Variants in COX7B2 observed in about 807,000 individuals in gnomAD.
The protein encoded by COX7B2 is cytochrome c oxidase subunit 7B2, mitochondrial.
For missense variants in COX7B2, 109 were observed against 95.9 expected (o/e 1.14, Z -0.57); for synonymous variants, 37 against 32.1 (o/e 1.15, Z -0.51).
intron 1 of COX7B2, among the ~76,000 whole-genome samples, chr4:46,873,801 C>T (rs1189503918): frequency 6.6e-6 from 1 of 152,102 alleles, no homozygotes; most frequent in Non-Finnish European, 1.5e-5. Context: ...GGTATATCTC[C>T]TAATGCTATC....
intron 1 of COX7B2, among the ~76,000 whole-genome samples, chr4:46,866,942 C>T (rs1717701449): frequency 6.6e-6 from 1 of 152,154 alleles, no homozygotes; most frequent in African/African-American, 2.4e-5. Flanking sequence ...ACTGACTCCA[C>T]CTATATCCAG....
intron 1 of COX7B2, among the ~76,000 whole-genome samples, chr4:46,901,575 T>C (rs569103744): frequency 2.0e-5 from 3 of 152,346 alleles, no homozygotes; most frequent in South Asian, 2.1e-4. Flanking sequence ...GATGCCCAAA[T>C]AGCTAGTAAA....
intron 2 of COX7B2, among the ~76,000 whole-genome samples, chr4:46,766,378 C>T (rs528650183): frequency 5.9e-5 from 9 of 152,164 alleles, no homozygotes; most frequent in Admixed American, 4.6e-4. Flanking sequence ...CAGTGTGACA[C>T]CTTTTTTGTC....
At chr4:46,863,615 T>C (rs1007890532) in intron 1 of COX7B2, among the ~76,000 whole-genome samples, 1 of 152,224 alleles carries the variant, frequency 6.6e-6, no homozygotes, top group Non-Finnish European at 1.5e-5. Context: ...TCATATCTCA[T>C]ATTCAACTAT....
At chr4:46,784,924 T>G (rs780100011) in intron 2 of COX7B2, among the ~76,000 whole-genome samples, 5 of 152,350 alleles carry the variant, frequency 3.3e-5, no homozygotes, top group Admixed American at 6.5e-5. Flanking sequence ...CAACAAATTA[T>G]TTTTCTTTTC....
intron 2 of COX7B2, among the ~76,000 whole-genome samples, chr4:46,776,648 G>A (rs1276225056): frequency 1.4e-4 from 21 of 152,082 alleles, no homozygotes; most frequent in Admixed American, 1.4e-3. Flanking sequence ...AAAGACAAAA[G>A]AGTAATTAAT....
chr4:46,897,916 A>G (rs1444981514), intron 1 of COX7B2, among the ~76,000 whole-genome samples: 1 of 152,088 alleles, frequency 6.6e-6, no homozygotes, highest in Non-Finnish European at 1.5e-5. Context: ...TTGACATTAT[A>G]ATTTCCTCAG....
At chr4:46,787,878 T>C (rs1016414639) in intron 2 of COX7B2, among the ~76,000 whole-genome samples, 1 of 152,222 alleles carries the variant, frequency 6.6e-6, no homozygotes, top group East Asian at 1.9e-4. Context: ...ATTTATCTAA[T>C]TGTTGACCAC....
chr4:46,896,458 T>C (rs1331208034), intron 1 of COX7B2, among the ~76,000 whole-genome samples: 1 of 152,160 alleles, frequency 6.6e-6, no homozygotes, highest in East Asian at 1.9e-4. Context: ...GTCTACATGT[T>C]TCCTAAAACA....
chr4:46,762,872 G>A (rs1256905242), intron 2 of COX7B2, among the ~76,000 whole-genome samples: 4 of 145,016 alleles, frequency 2.8e-5, no homozygotes, highest in African/African-American at 1.0e-4. Context: ...AGCATTTTTG[G>A]GATCCTGTAT....
chr4:46,845,829 G>A (rs1356217797), intron 1 of COX7B2, among the ~76,000 whole-genome samples: 4 of 152,122 alleles, frequency 2.6e-5, no homozygotes, highest in South Asian at 2.1e-4. Flanking sequence ...TTTGGTGAGA[G>A]GCAACATTTG....
At chr4:46,788,418 A>G (rs1454301595) in intron 2 of COX7B2, among the ~76,000 whole-genome samples, 2 of 152,172 alleles carry the variant, frequency 1.3e-5, no homozygotes, top group East Asian at 3.9e-4. Context: ...TTATCTTGTT[A>G]AACATATGAT....
At chr4:46,767,210 T>A (rs1258959716) in intron 2 of COX7B2, among the ~76,000 whole-genome samples, 3 of 152,214 alleles carry the variant, frequency 2.0e-5, no homozygotes, top group African/African-American at 7.2e-5. Context: ...GTAGGATATA[T>A]ACAGCTGTAT....
intron 1 of COX7B2, among the ~76,000 whole-genome samples, chr4:46,856,959 A>ACCC (rs1717042293): frequency 6.6e-6 from 1 of 152,198 alleles, no homozygotes; most frequent in African/African-American, 2.4e-5. Flanking sequence ...AGTTTGATAG[A>ACCC]CCCGTGTAAT....
At chr4:46,791,862 G>A (rs1718065696) in intron 2 of COX7B2, among the ~76,000 whole-genome samples, 1 of 152,154 alleles carries the variant, frequency 6.6e-6, no homozygotes. Context: ...TGCACCCAAT[G>A]ATGCTTACTG....
chr4:46,737,219 T>G lies in COX7B2; in HGVS notation c.-49-1978A>C, dbSNP rs576494802. ...GTCCAGCATCTTTTTATATGCTTGT[T>G]TGCCATCTTCATCTCCCCTTTGGGA... is the stretch of plus-strand genomic sequence containing the variant. On this transcript the variant is annotated intron_variant, in intron 2 of 2. Coordinates refer to ENST00000355591, the MANE Select transcript of COX7B2 (RefSeq NM_130902.3). 7.9e-5 allele frequency among the ~76,000 whole-genome samples: 12 copies of G among 152,312 alleles called. No individual in the cohort carries two copies. The East Asian group carries it at 2.3e-3, about 29-fold the overall frequency.
chr4:46,871,639 G>GA (rs200609418), intron 1 of COX7B2, among the ~76,000 whole-genome samples: 13,226 of 133,252 alleles, frequency 0.099, 704 homozygotes, highest in South Asian at 0.21. Flanking sequence ...ATATTTACAA[G>GA]AAAAAAAAAA....
chr4:46,822,405 A>C (rs1382640319), intron 2 of COX7B2, among the ~76,000 whole-genome samples: 1 of 151,972 alleles, frequency 6.6e-6, no homozygotes, highest in Non-Finnish European at 1.5e-5. Flanking sequence ...TATAGAGAGG[A>C]TCCAGGTGAG....
chr4:46,758,507 G>C (rs1715935481), intron 2 of COX7B2, among the ~76,000 whole-genome samples: 1 of 152,066 alleles, frequency 6.6e-6, no homozygotes, highest in African/African-American at 2.4e-5. Context: ...AAAAGTTCAG[G>C]TGACGAAGCT....
Sources: gnomAD v4.1 joint callset for allele counts (sites outside exome capture counted in the v4.1 genomes callset) on GRCh38, gnomAD v4.1.1 for gene constraint, MANE v1.5 for transcripts, NCBI Gene and HGNC (gene_info 2026-07-23, HGNC 2026-07-21) for gene names.